Variants in DGKZ observed in about 807,000 individuals in gnomAD.
DGKZ encodes the protein DAG kinase zeta.
A neutral mutation model predicts 142.5 loss-of-function variants in DGKZ; 45 were observed. That is an observed-to-expected ratio of 0.32 (90% CI 0.25 to 0.40). The LOEUF is 0.40. DGKZ is among the 10% of genes least tolerant of loss of function. DGKZ has a pLI of 1.00. For synonymous variants in DGKZ, 442 were observed against 527.0 expected (o/e 0.84, Z 2.21); for missense variants, 755 against 1,306.5 (o/e 0.58, Z 6.51).
chr11:46,358,163 G>T (rs537377421), intron 1 of DGKZ, among the ~76,000 whole-genome samples: 164 of 152,224 alleles, frequency 1.1e-3, no homozygotes, highest in African/African-American at 3.6e-3. Flanking sequence ...AGCAGTGGTG[G>T]GTAAAACTGC....
intron 25 of DGKZ, 119 bp from the exon 26 acceptor site, chr11:46,378,079 G>T: frequency 1.6e-6 from 2 of 1,271,462 alleles, no homozygotes; most frequent in Non-Finnish European, 2.2e-6. Context: ...ATAGTGCTTG[G>T]TGTGTAGCAG....
Position 46,377,070 on chromosome 11 carries a change from C to G in DGKZ, c.2203-3C>G, listed in dbSNP as rs1349570454. 6.2e-7 allele frequency: 1 copy of G among 1,612,736 alleles called. No homozygotes were observed. The highest frequency in any genetic ancestry group is 1.3e-5 in the African/African-American group (1 of 74,878). On this transcript the variant is annotated splice_region_variant and splice_polypyrimidine_tract_variant and intron_variant, in intron 24 of 30. Coordinates refer to ENST00000527911, the Ensembl canonical transcript of DGKZ. ...GACCTCCCGCCCTGACCTCCCCCCACAGGAGCACCTCAACTATGTGACTGA... is the reference window on the plus strand; with the variant it reads ...GACCTCCCGCCCTGACCTCCCCCCAGAGGAGCACCTCAACTATGTGACTGA...
At chr11:46,369,701 C>A in intron 5 of DGKZ, 151 bp downstream of exon 5, 2 of 1,073,192 alleles carry the variant, frequency 1.9e-6, no homozygotes, top group Non-Finnish European at 2.8e-6. Flanking sequence ...GGAGGCCTAA[C>A]TAGCGCTGCC....
rs1026514476 is a variant in DGKZ at position 46,370,767 on chromosome 11, A to T, written c.571-546A>T. ...CCACCCTGCTCTTCAGGCTTATCTT[A>T]TACATATTTTTTTTTATTTTAAAAA... is the stretch of plus-strand genomic sequence containing the variant. On this transcript the variant is annotated intron_variant, in intron 6 of 30. Coordinates refer to ENST00000527911, the Ensembl canonical transcript of DGKZ. Among the ~76,000 whole-genome samples, 5 of 152,138 alleles carry T rather than the reference A, an allele frequency of 3.3e-5. No individual in the cohort carries two copies. In the South Asian group the frequency reaches 1.0e-3, roughly 31 times the overall value.
At chr11:46,348,273 T>C (rs570977726) in intron 1 of DGKZ, among the ~76,000 whole-genome samples, 4 of 152,196 alleles carry the variant, frequency 2.6e-5, no homozygotes, top group African/African-American at 4.8e-5. Context: ...CTTTGGACTT[T>C]CGTGGGACCA....
At chr11:46,375,629 C>A in exon 20 of DGKZ, 1 of 1,560,348 alleles carries the variant, frequency 6.4e-7, no homozygotes, top group Non-Finnish European at 8.6e-7. Flanking sequence ...CCCTGCACAG[C>A]GAGTACGTCC....
chr11:46,371,072 C>G (rs1447481080), intron 6 of DGKZ, among the ~76,000 whole-genome samples: 1 of 152,054 alleles, frequency 6.6e-6, no homozygotes, highest in Non-Finnish European at 1.5e-5. Flanking sequence ...GCAACAAGAG[C>G]GAGACTCCAT....
At chr11:46,360,386 G>T (rs994052226) in intron 1 of DGKZ, among the ~76,000 whole-genome samples, 1 of 151,846 alleles carries the variant, frequency 6.6e-6, no homozygotes, top group East Asian at 1.9e-4. Context: ...AATTTTGAGA[G>T]TGTAAAGGGG....
intron 1 of DGKZ, among the ~76,000 whole-genome samples, chr11:46,334,095 C>T (rs1939895340): frequency 6.6e-6 from 1 of 151,576 alleles, no homozygotes; most frequent in Admixed American, 6.6e-5. Flanking sequence ...AGTCTCTTGG[C>T]CTGCCACCTC....
In DGKZ at chr11:46,367,371, G is replaced by A. The variant is rs763578474; in HGVS notation, c.242G>A (p.Arg81Gln). ...GGGGCCCCGTGCAGCGAGTCAGAGC[G>A]GCAGATCCGGAGTACAGTGGACTGG... The change falls in exon 2 of 31, where the codon CGG (arginine) becomes CAG (glutamine). Residue 81 changes from arginine (R) to glutamine (Q), a missense_variant. Physicochemically the swap from Arg to Gln is conservative, Grantham distance 43 (BLOSUM62 1). Coordinates refer to ENST00000527911, the Ensembl canonical transcript of DGKZ. This position sits in a 1 kb window ranked among gnomAD's most constrained non-coding sequence, Gnocchi z 4.1. 14 of 1,613,074 alleles carry A rather than the reference G, an allele frequency of 8.7e-6. No individual in the cohort carries two copies. The highest frequency in any genetic ancestry group is 4.0e-5 in the African/African-American group (3 of 74,932).
At chr11:46,369,532 C>T in exon 5 of DGKZ, 1 of 1,613,314 alleles carries the variant, frequency 6.2e-7, no homozygotes, top group East Asian at 2.2e-5. Context: ...GTGAATCAGG[C>T]TCCAGGAATG....
chr11:46,366,896 C>T (rs1334437876), intron 1 of DGKZ: 1 of 1,548,620 alleles, frequency 6.5e-7, no homozygotes, highest in South Asian at 1.2e-5. Context: ...CACCATGCTG[C>T]CCACCCGTGT....
At chr11:46,373,188 CGT>C (rs1944155337) in intron 14 of DGKZ, 87 bp downstream of exon 14, 4 of 1,412,100 alleles carry the variant, frequency 2.8e-6, no homozygotes, top group Non-Finnish European at 3.8e-6. Context: ...GGACCTCGGG[CGT>C]GTCTCTTCAT....
chr11:46,367,980 G>A lies in DGKZ; in HGVS notation c.367-22G>A, dbSNP rs1285848210. ...GATAGACTTACCTGGTGCCTCAGGG[G>A]CCCTCTCTTCCTGTCCTGCAGCAGA... On this transcript the variant is annotated intron_variant, in intron 3 of 30. Transcript: ENST00000527911. The surrounding 1 kb of genome is among the most constrained non-coding windows in gnomAD (Gnocchi z 4.1). The A allele has an allele frequency of 1.2e-5, 19 of 1,613,502 alleles. No homozygotes were observed. The highest frequency in any genetic ancestry group is 1.6e-5 in the Non-Finnish European group (19 of 1,179,644).
upstream of DGKZ, chr11:46,345,710 G>A (rs1940545986): frequency 1.0e-6 from 1 of 977,668 alleles, no homozygotes; most frequent in Non-Finnish European, 1.4e-6. This position sits in a 1 kb window ranked among gnomAD's most constrained non-coding sequence, Gnocchi z 4.1. Flanking sequence ...CAGAGGCACA[G>A]AGTAGGGCAA....
At position 46,373,221 on chromosome 11, in the gene DGKZ, C is replaced by T; in HGVS notation, c.1326+120C>T. ...TTCATTTCTCCAACTTCCACTTCTT[C>T]CTTGTACGATGGGAATAATAGTACT... On this transcript the variant is annotated intron_variant, in intron 14 of 30. Coordinates refer to ENST00000527911, the Ensembl canonical transcript of DGKZ. The T allele has an allele frequency of 6.0e-6, 7 of 1,162,572 alleles. No individual in the cohort carries two copies. In the South Asian group the frequency reaches 1.0e-4, roughly 17 times the overall value. The allele number at this position is 1,162,572 out of a possible 1,614,324, so 72.0% of individuals were successfully genotyped here. A position where few individuals can be genotyped will look rare whatever the true frequency, so the allele number is the denominator to read the frequency against.
Position 46,377,022 on chromosome 11 carries a change from C to T in DGKZ, c.2203-51C>T, listed in dbSNP as rs755633303. 21 of 1,532,164 alleles carry T rather than the reference C, an allele frequency of 1.4e-5. No homozygotes were observed. The East Asian group carries it at 3.6e-4, about 26-fold the overall frequency. 94.9% of individuals were successfully genotyped at this position (1,532,164 alleles called of 1,614,324 possible). ...CAGGTCTACCAGCCTTGCTGCCCCT[C>T]GGCCCCCACCGTCAGGTGCCCTGAC... On this transcript the variant is annotated intron_variant, in intron 24 of 30. Transcript: ENST00000527911.
intron 1 of DGKZ, among the ~76,000 whole-genome samples, chr11:46,336,170 G>A (rs1228165752): frequency 6.6e-6 from 1 of 152,226 alleles, no homozygotes; most frequent in Non-Finnish European, 1.5e-5. Flanking sequence ...GCTTTGGCAG[G>A]ACACTAGAAG....
Position 46,366,249 on chromosome 11 carries a change from C to G in DGKZ, c.162-1042C>G, listed in dbSNP as rs552192339. On this transcript the variant is annotated intron_variant, in intron 1 of 30. Coordinates refer to ENST00000527911, the Ensembl canonical transcript of DGKZ. ...CCGGTCTCTGTGCCCAACAGCCAAC[C>G]GCCTGCCATGGAGACTTTCTTTAGG... 14 of 1,567,082 alleles carry G rather than the reference C, an allele frequency of 8.9e-6. No individual in the cohort carries two copies. In the South Asian group the frequency reaches 1.6e-4, roughly 18 times the overall value.
Sources: allele counts gnomAD v4.1 joint callset (sites outside exome capture counted in the v4.1 genomes callset), GRCh38; gene constraint gnomAD v4.1.1; non-coding constraint Gnocchi (gnomAD v3.1); transcripts MANE v1.5; gene names NCBI Gene and HGNC (gene_info 2026-07-23, HGNC 2026-07-21).